The following AGBL3 variants were observed in gnomAD, a reference collection of about 807,000 sequenced individuals.
The protein encoded by AGBL3 is cytosolic carboxypeptidase 3.
Under a neutral mutation model 94.5 loss-of-function variants are expected in AGBL3, and 68 were observed. The observed-to-expected ratio is 0.72, with a 90% confidence interval of 0.59 to 0.88. The LOEUF (loss-of-function observed/expected upper bound fraction) is 0.88. AGBL3 is among the 40% of genes least tolerant of loss of function. The probability of loss-of-function intolerance (pLI) is 0.00; values close to 1 mark genes in which losing one functional copy is unlikely to be tolerated. For synonymous variants in AGBL3, 354 were observed against 370.7 expected (o/e 0.95, Z 0.52); for missense variants, 934 against 1,103.8 (o/e 0.85, Z 2.18).
chr7:135,106,797 C>T lies in AGBL3; in HGVS notation c.2111-8583C>T, dbSNP rs977605378. Among the ~76,000 whole-genome samples, 5 of 152,086 alleles carry T rather than the reference C, an allele frequency of 3.3e-5. No homozygotes were observed. The South Asian group carries it at 8.3e-4, about 25-fold the overall frequency. ...AGTTTCAGTAGGAATGGTACCAGCT[C>T]GTCTTTGTACATCTGATTGAATTCA... On this transcript the variant is annotated intron_variant, in intron 15 of 16. Transcript: ENST00000436302.
At chr7:135,023,282 C>T (rs967274772) in intron 5 of AGBL3, among the ~76,000 whole-genome samples, 4 of 152,210 alleles carry the variant, frequency 2.6e-5, no homozygotes, top group Admixed American at 2.0e-4. Context: ...ATACTTTGAA[C>T]AGATCCTCAG....
At chr7:135,066,007 C>T (rs1283034817) in intron 12 of AGBL3, among the ~76,000 whole-genome samples, 1 of 152,116 alleles carries the variant, frequency 6.6e-6, no homozygotes, top group Non-Finnish European at 1.5e-5. Context: ...AAACGTAAGA[C>T]CTGAAACCAT....
intron 16 of AGBL3, among the ~76,000 whole-genome samples, chr7:135,121,564 A>C (rs1236425712): frequency 6.6e-6 from 1 of 152,208 alleles, no homozygotes; most frequent in Non-Finnish European, 1.5e-5. Flanking sequence ...AAAAAAAAAA[A>C]AAACCTAAAC....
At chr7:135,081,830 C>G (rs1332970752) in intron 15 of AGBL3, 40 bp downstream of exon 15, 3 of 1,283,242 alleles carry the variant, frequency 2.3e-6, no homozygotes, top group Non-Finnish European at 3.3e-6. Context: ...GAGTGGTCCC[C>G]TATGATCTGA....
chr7:135,117,931 A>C (rs12538457), intron 16 of AGBL3, among the ~76,000 whole-genome samples: 67,403 of 152,044 alleles, frequency 0.44, 15,576 homozygotes, highest in East Asian at 0.78. Flanking sequence ...AATGAGAGAT[A>C]GTGGATCAGT....
intron 16 of AGBL3, among the ~76,000 whole-genome samples, chr7:135,130,975 TG>T (rs1260949716): frequency 6.6e-6 from 1 of 152,208 alleles, no homozygotes; most frequent in Admixed American, 6.5e-5. Context: ...GAGAACATAT[TG>T]TTTTTTTCCT....
At chr7:135,022,537 G>A (rs182608984) in intron 5 of AGBL3, among the ~76,000 whole-genome samples, 12 of 151,314 alleles carry the variant, frequency 7.9e-5, no homozygotes, top group East Asian at 5.8e-4. Flanking sequence ...TTTGTTTTAC[G>A]TTCTTGTAAA....
chr7:135,111,681 C>A (rs1052856008), intron 15 of AGBL3, among the ~76,000 whole-genome samples: 3 of 152,272 alleles, frequency 2.0e-5, no homozygotes, highest in African/African-American at 7.2e-5. Context: ...ACTCCTGTTT[C>A]TCTAGCCATT....
intron 4 of AGBL3, among the ~76,000 whole-genome samples, chr7:135,006,768 C>A (rs1318690117): frequency 6.6e-6 from 1 of 151,868 alleles, no homozygotes; most frequent in African/African-American, 2.4e-5. Context: ...AAATGCAGAA[C>A]AAACTGTCTG....
At chr7:135,121,539 C>T (rs1383415169) in intron 16 of AGBL3, among the ~76,000 whole-genome samples, 1 of 145,558 alleles carries the variant, frequency 6.9e-6, no homozygotes, top group Non-Finnish European at 1.5e-5. Flanking sequence ...AATCAATAGC[C>T]AAAGGGTAAT....
chr7:135,108,533 C>T (rs576110909), intron 15 of AGBL3, among the ~76,000 whole-genome samples: 1 of 152,150 alleles, frequency 6.6e-6, no homozygotes, highest in Non-Finnish European at 1.5e-5. Flanking sequence ...GAATATAGGC[C>T]CCCAATCTCT....
intron 5 of AGBL3, among the ~76,000 whole-genome samples, chr7:135,026,653 G>A (rs574219005): frequency 4.0e-5 from 6 of 151,720 alleles, no homozygotes; most frequent in Admixed American, 3.3e-4. Flanking sequence ...GAGTAATATA[G>A]TCAATACCAG....
At chr7:135,037,340 C>T in intron 7 of AGBL3, 78 bp from the exon 8 acceptor site, 1 of 1,211,066 alleles carries the variant, frequency 8.3e-7, no homozygotes, top group African/African-American at 1.6e-5. Flanking sequence ...TTGGATATTA[C>T]ACTTATAAAT....
intron 8 of AGBL3, among the ~76,000 whole-genome samples, chr7:135,042,268 C>A (rs1003100087): frequency 1.3e-5 from 2 of 152,104 alleles, no homozygotes; most frequent in African/African-American, 4.8e-5. Flanking sequence ...TGCAAACAAC[C>A]CAAAATGTCC....
At chr7:135,004,923 G>C (rs1187522437) in intron 4 of AGBL3, among the ~76,000 whole-genome samples, 1 of 151,182 alleles carries the variant, frequency 6.6e-6, no homozygotes, top group African/African-American at 2.4e-5. Flanking sequence ...GATTTATTTA[G>C]ATTTATTTTG....
intron 15 of AGBL3, among the ~76,000 whole-genome samples, chr7:135,104,368 T>C (rs1824325343): frequency 6.6e-6 from 1 of 152,218 alleles, no homozygotes; most frequent in Non-Finnish European, 1.5e-5. Context: ...ACAATAGCAA[T>C]GAATAGCGTT....
chr7:135,039,085 T>C (rs572585275), intron 8 of AGBL3, among the ~76,000 whole-genome samples: 3 of 152,334 alleles, frequency 2.0e-5, no homozygotes, highest in South Asian at 4.1e-4. Context: ...TTGACATTTA[T>C]AGGACACTCT....
At chr7:135,024,195 T>C (rs1814830547) in intron 5 of AGBL3, among the ~76,000 whole-genome samples, 1 of 152,278 alleles carries the variant, frequency 6.6e-6, no homozygotes, top group African/African-American at 2.4e-5. Flanking sequence ...GCACCAGTGA[T>C]TGGAGGGGAC....
chr7:135,079,869 T>C (rs754511047), intron 13 of AGBL3, among the ~76,000 whole-genome samples: 5 of 152,314 alleles, frequency 3.3e-5, no homozygotes, highest in Non-Finnish European at 7.4e-5. Context: ...TGTTTGTTGT[T>C]CTAATTTAAA....
Sources: allele counts gnomAD v4.1 joint callset (sites outside exome capture counted in the v4.1 genomes callset), GRCh38; gene constraint gnomAD v4.1.1; transcripts MANE v1.5; gene names NCBI Gene and HGNC (gene_info 2026-07-23, HGNC 2026-07-21).